Variants in ZFC3H1 observed in about 807,000 individuals in gnomAD.
ZFC3H1 encodes the protein zinc finger C3H1-type containing.
ZFC3H1 carries 71 observed loss-of-function variants against 243.7 expected under a neutral mutation model. The observed-to-expected ratio is 0.29, with a 90% confidence interval of 0.24 to 0.36. ZFC3H1 has a LOEUF of 0.36. Among genes scored for constraint, ZFC3H1 ranks in the 10% least tolerant of loss-of-function variants. ZFC3H1 has a pLI of 1.00. For synonymous variants in ZFC3H1, 838 were observed against 813.0 expected (o/e 1.03, Z -0.52); for missense variants, 1,966 against 2,317.1 (o/e 0.85, Z 3.11).
chr12:71,661,102 G>A (rs1392599031), intron 1 of ZFC3H1, among the ~76,000 whole-genome samples: 1 of 152,036 alleles, frequency 6.6e-6, no homozygotes, highest in Non-Finnish European at 1.5e-5. Context: ...AGGAGATCGA[G>A]ACCATCCTGG....
intron 27 of ZFC3H1, among the ~76,000 whole-genome samples, chr12:71,618,742 CATT>C: frequency 6.6e-6 from 1 of 152,234 alleles, no homozygotes; most frequent in South Asian, 2.1e-4. Context: ...CCCAAAAAAT[CATT>C]ATTCAAAATC....
chr12:71,614,859 C>T lies in ZFC3H1; in HGVS notation c.5335G>A (p.Asp1779Asn), dbSNP rs779801819. 1 of 1,613,642 alleles carries T rather than the reference C, an allele frequency of 6.2e-7. No individual in the cohort carries two copies. Among genetic ancestry groups the T allele is most frequent in the East Asian group, 2.2e-5 (1 of 44,856 alleles). Residue 1779 changes from aspartate to asparagine, a missense_variant, in exon 29 of 35, where the codon GAT becomes AAT. Transcript: ENST00000378743. ...EAALGVAMRC[D>N]IVQKIWMDYL... is the part of the protein sequence containing the mutation. ...TCCATCCATATCTTCTGTACTATAT[C>T]ACATCTCATAGCCACCCCTAATGCT...
intron 16 of ZFC3H1, 45 bp downstream of exon 16, chr12:71,631,733 A>G: frequency 1.3e-6 from 2 of 1,496,742 alleles, no homozygotes; most frequent in Non-Finnish European, 1.8e-6. Context: ...TTAAAAACCA[A>G]ACAGAAATCC....
intron 7 of ZFC3H1, 142 bp from the exon 8 acceptor site, chr12:71,637,201 C>T: frequency 1.5e-6 from 1 of 664,402 alleles, no homozygotes; most frequent in South Asian, 2.8e-5. Context: ...ATATGTTAAC[C>T]TCAAAACAAA....
intron 2 of ZFC3H1, among the ~76,000 whole-genome samples, chr12:71,650,313 A>T (rs973946813): frequency 6.6e-6 from 1 of 152,178 alleles, no homozygotes; most frequent in Non-Finnish European, 1.5e-5. Context: ...AATAAATACA[A>T]ATTTCAGACA....
intron 1 of ZFC3H1, among the ~76,000 whole-genome samples, chr12:71,662,622 G>A (rs1881214491): frequency 6.6e-6 from 1 of 151,294 alleles, no homozygotes; most frequent in Admixed American, 6.6e-5. Flanking sequence ...ATATGATAAA[G>A]CAACAATATT....
Position 71,663,792 on chromosome 12 carries a change from C to G in ZFC3H1, c.-182G>C, listed in dbSNP as rs576154523. ...GCACCCCAGCTCTCTCTCGCCGGAC[C>G]GTCGCAACCCAGTTCCCTTTCCTAG... On this transcript the variant is annotated 5_prime_UTR_variant, in exon 1 of 35. Coordinates refer to ENST00000378743, the MANE Select transcript of ZFC3H1 (RefSeq NM_144982.5). 1 of 673,890 alleles carries G rather than the reference C, an allele frequency of 1.5e-6. No homozygotes were observed. Among genetic ancestry groups the G allele is most frequent in the East Asian group, 2.7e-5 (1 of 36,526 alleles). The allele number at this position is 673,890 out of a possible 1,614,324, so 41.7% of individuals were successfully genotyped here.
chr12:71,610,299 A>T lies in ZFC3H1; in HGVS notation c.*129T>A. ...GTTTTGAGGACAGGATATTGTAGGG[A>T]ACTTGATATGATCAATAACGCTTGT... On this transcript the variant is annotated 3_prime_UTR_variant, in exon 35 of 35. Transcript: ENST00000378743. 1 of 1,115,792 alleles carries T rather than the reference A, an allele frequency of 9.0e-7. No homozygotes were observed. The allele number at this position is 1,115,792 out of a possible 1,614,324, so 69.1% of individuals were successfully genotyped here. A position where few individuals can be genotyped will look rare whatever the true frequency, so the allele number is the denominator to read the frequency against.
At chr12:71,611,123 A>T in intron 32 of ZFC3H1, 26 bp from the exon 33 acceptor site, 1 of 1,531,596 alleles carries the variant, frequency 6.5e-7, no homozygotes, top group East Asian at 2.3e-5. Flanking sequence ...AAAAAAAGAA[A>T]TATAGAAAAA....
At chr12:71,630,527 A>C in intron 18 of ZFC3H1, 73 bp downstream of exon 18, 1 of 1,531,212 alleles carries the variant, frequency 6.5e-7, no homozygotes, top group South Asian at 1.3e-5. Context: ...TACAATGTCA[A>C]CAACTAATAT....
intron 10 of ZFC3H1, among the ~76,000 whole-genome samples, 170 bp from the exon 11 acceptor site, chr12:71,634,995 A>G (rs1291778968): frequency 6.6e-6 from 1 of 152,206 alleles, no homozygotes; most frequent in African/African-American, 2.4e-5. Flanking sequence ...GATAACTACT[A>G]AATTGTATAC....
At chr12:71,640,884 G>A (rs879173965) in intron 6 of ZFC3H1, among the ~76,000 whole-genome samples, 11 of 150,860 alleles carry the variant, frequency 7.3e-5, no homozygotes, top group Admixed American at 1.3e-4. Flanking sequence ...TCCCCCGCCC[G>A]GCGAAAAACT....
Position 71,623,565 on chromosome 12 carries a change from T to C in ZFC3H1, c.4539A>G (p.Val1513=). The C allele has an allele frequency of 6.2e-7, 1 of 1,612,332 alleles. No individual in the cohort carries two copies. The highest frequency in any genetic ancestry group is 8.5e-7 in the Non-Finnish European group (1 of 1,179,488). The change falls in exon 24 of 35, where the codon GTA becomes GTG. Residue 1513 remains valine, a synonymous_variant. Coordinates refer to ENST00000378743, the MANE Select transcript of ZFC3H1 (RefSeq NM_144982.5). ...GATCACTGGTTTTAAGGTATTCAGC[T>C]ACTATTCCATCATTAGCAGATTTCA... is the stretch of plus-strand genomic sequence containing the variant. ...NALKSANDGI[V]AEYLKTSDRC...
intron 24 of ZFC3H1, among the ~76,000 whole-genome samples, chr12:71,622,165 C>T (rs1366722514): frequency 1.3e-5 from 2 of 152,146 alleles, no homozygotes; most frequent in African/African-American, 4.8e-5. Context: ...TATTTAACTC[C>T]CCTAACAGTA....
Position 71,632,108 on chromosome 12 carries a change from T to C in ZFC3H1, c.3224A>G (p.Asn1075Ser), listed in dbSNP as rs778921331. Reference protein sequence around the residue: ...NKECINKLNKNTVEKPELFLG... With the variant: ...NKECINKLNKSTVEKPELFLG... Reference sequence around the variant, plus strand: ...AAAAAGTTCTGGTTTTTCTACAGTATTTTTATTAAGTTTGTTTATGCATTC... The same window carrying C: ...AAAAAGTTCTGGTTTTTCTACAGTACTTTTATTAAGTTTGTTTATGCATTC... The change falls in exon 15 of 35, where the codon AAT (asparagine) becomes AGT (serine). Residue 1075 changes from asparagine to serine, a missense_variant. Around this residue, in one of 4 missense-constraint regions of ZFC3H1, gnomAD observed 1,383 missense variants for 1,723.7 expected, o/e 0.80. Transcript: ENST00000378743. 1 of 1,610,822 alleles carries C rather than the reference T, an allele frequency of 6.2e-7. No homozygotes were observed. The highest frequency in any genetic ancestry group is 1.1e-5 in the South Asian group (1 of 90,646).
At chr12:71,645,614 C>G (rs920575910) in intron 3 of ZFC3H1, among the ~76,000 whole-genome samples, 1 of 152,102 alleles carries the variant, frequency 6.6e-6, no homozygotes, top group Non-Finnish European at 1.5e-5. Context: ...AGGGAAAAAT[C>G]TATAGAGATT....
At chr12:71,650,429 T>G (rs1880854806) in intron 2 of ZFC3H1, among the ~76,000 whole-genome samples, 2 of 151,776 alleles carry the variant, frequency 1.3e-5, no homozygotes, top group East Asian at 1.9e-4. Flanking sequence ...TAAAATTATC[T>G]CAAGTTTTAC....
intron 16 of ZFC3H1, among the ~76,000 whole-genome samples, 175 bp from the exon 17 acceptor site, chr12:71,631,129 G>T (rs1447573275): frequency 6.6e-6 from 1 of 151,922 alleles, no homozygotes; most frequent in African/African-American, 2.4e-5. Context: ...AATATCAAGG[G>T]ATAGAAACAA....
intron 1 of ZFC3H1, chr12:71,660,476 G>A (rs1259100217): frequency 2.7e-5 from 4 of 150,254 alleles, no homozygotes; most frequent in African/African-American, 2.4e-5. Flanking sequence ...AAGTTACTAC[G>A]GAAATCAAAG....
Sources: allele counts gnomAD v4.1 joint callset (sites outside exome capture counted in the v4.1 genomes callset), GRCh38; gene constraint gnomAD v4.1.1; regional missense constraint gnomAD v4.1.1; transcripts MANE v1.5; gene names NCBI Gene and HGNC (gene_info 2026-07-23, HGNC 2026-07-21).